The following RALYL variants were observed in gnomAD, a reference collection of about 807,000 sequenced individuals.
The protein encoded by RALYL is RNA-binding Raly-like protein.
In RALYL, 29 loss-of-function variants were observed where a neutral mutation model predicts 35.1. The observed-to-expected ratio is 0.83, with a 90% CI of 0.61 to 1.13. The LOEUF (loss-of-function observed/expected upper bound fraction) is 1.13, where lower values mean the gene tolerates loss of function less well. Among genes scored for constraint, RALYL ranks in the 50% most tolerant of loss-of-function variants. The pLI is 0.00. For missense variants in RALYL, 359 were observed against 360.4 expected, an observed-to-expected ratio of 1.00 and a Z score of 0.03; for synonymous variants, 120 against 127.6, an observed-to-expected ratio of 0.94 and a Z score of 0.40.
intron 3 of RALYL, among the ~76,000 whole-genome samples, chr8:84,801,442 TA>T (rs1188413086): frequency 1.9e-4 from 29 of 152,352 alleles, no homozygotes; most frequent in African/African-American, 7.0e-4. Flanking sequence ...TTACCAGTCT[TA>T]ATGAGACTCT....
At chr8:84,418,025 T>G (rs1263549306) in intron 1 of RALYL, among the ~76,000 whole-genome samples, 1 of 152,204 alleles carries the variant, frequency 6.6e-6, no homozygotes, top group Non-Finnish European at 1.5e-5. Context: ...AAAGAAAATG[T>G]GGAAATACAA....
intron 1 of RALYL, among the ~76,000 whole-genome samples, chr8:84,334,905 T>C (rs551376777): frequency 1.6e-3 from 247 of 152,306 alleles, no homozygotes; most frequent in African/African-American, 5.7e-3. Flanking sequence ...TGTCCTCTTA[T>C]CCATCTCAAG....
intron 1 of RALYL, among the ~76,000 whole-genome samples, chr8:84,365,461 CTATT>C (rs1854034455): frequency 6.6e-6 from 1 of 152,096 alleles, no homozygotes; most frequent in Non-Finnish European, 1.5e-5. Context: ...AATCTATAAA[CTATT>C]TATAAAAGAA....
chr8:84,627,427 T>G (rs1822975606), intron 2 of RALYL, among the ~76,000 whole-genome samples: 1 of 146,580 alleles, frequency 6.8e-6, no homozygotes, highest in Admixed American at 7.0e-5. Context: ...TAGTGTGCCT[T>G]TCACTGCTCT....
rs1228022780 is a variant in RALYL at position 84,422,145 on chromosome 8, C to G, written c.-23-107154C>G. The stretch of plus-strand genomic sequence containing the variant: ...ATGGTACCAGTTCCTCCTTGTACCT[C>G]TGGTAGAATTCGGCTGTGAATCTAT... On this transcript the variant is annotated intron_variant, in intron 1 of 8. Transcript: ENST00000521268. Among the ~76,000 whole-genome samples, 3 of 143,390 alleles carry G rather than the reference C, an allele frequency of 2.1e-5. No individual in the cohort carries two copies. The East Asian group carries it at 6.2e-4, about 30-fold the overall frequency. The allele number at this position is 143,390 out of a possible 152,430, so 94.1% of individuals were successfully genotyped here.
In RALYL at chr8:84,814,627, G is replaced by GA. The variant is rs201101645; in HGVS notation, c.365+9834dup. On this transcript the variant is annotated intron_variant, in intron 4 of 8. Transcript: ENST00000521268. ...TAGACCCAATCTGAATATTGCAGTG[G>GA]AAAAAAAAACTGTCAAAGAAAGTTA... Among the ~76,000 whole-genome samples, 20 of 150,498 alleles carry GA rather than the reference G, an allele frequency of 1.3e-4. No homozygotes were observed. The East Asian group carries it at 1.6e-3, about 12-fold the overall frequency.
intron 2 of RALYL, among the ~76,000 whole-genome samples, chr8:84,634,889 T>C (rs1824706882): frequency 6.6e-6 from 1 of 151,796 alleles, no homozygotes; most frequent in African/African-American, 2.4e-5. Context: ...TTCCTTTAGG[T>C]TGATTCCACG....
intron 6 of RALYL, among the ~76,000 whole-genome samples, chr8:84,862,964 A>T (rs2135072168): frequency 6.6e-6 from 1 of 152,354 alleles, no homozygotes; most frequent in Admixed American, 6.5e-5. Context: ...TGTCATAAAA[A>T]GTAAAATAAT....
intron 2 of RALYL, among the ~76,000 whole-genome samples, chr8:84,661,849 C>G (rs1197088556): frequency 5.9e-5 from 9 of 151,642 alleles, no homozygotes; most frequent in Non-Finnish European, 1.5e-5. Context: ...GATAAAGTGG[C>G]CTGGCAGTGT....
chr8:84,892,337 T>C (rs183095058), intron 8 of RALYL, among the ~76,000 whole-genome samples: 3 of 152,158 alleles, frequency 2.0e-5, no homozygotes, highest in Non-Finnish European at 4.4e-5. Flanking sequence ...TGGCTGGGCA[T>C]GGTGGCTCAC....
In RALYL at chr8:84,719,172, C is replaced by T. The variant is rs556338955; in HGVS notation, c.257-55407C>T. 4.6e-5 allele frequency among the ~76,000 whole-genome samples: 7 copies of T among 152,244 alleles called. No individual in the cohort carries two copies. The South Asian group carries it at 1.5e-3, about 32-fold the overall frequency. On this transcript the variant is annotated intron_variant, in intron 2 of 8. Transcript: ENST00000521268. ...TTATCTAGTCATTTGGCTATAACCC[C>T]CAAAGACAGAGATCAGGTCACTATT...
At chr8:84,769,429 A>G (rs1814887587) in intron 2 of RALYL, among the ~76,000 whole-genome samples, 1 of 152,164 alleles carries the variant, frequency 6.6e-6, no homozygotes, top group African/African-American at 2.4e-5. Flanking sequence ...TAAATATACC[A>G]GCTCACAATC....
intron 2 of RALYL, among the ~76,000 whole-genome samples, chr8:84,577,919 A>G (rs1187803253): frequency 2.0e-5 from 3 of 152,230 alleles, no homozygotes; most frequent in Non-Finnish European, 4.4e-5. Flanking sequence ...TAAAGTATCT[A>G]ATGTGACACT....
At chr8:84,740,568 G>T (rs900710126) in intron 2 of RALYL, among the ~76,000 whole-genome samples, 5 of 152,000 alleles carry the variant, frequency 3.3e-5, no homozygotes, top group African/African-American at 1.2e-4. Context: ...TTTTAAGTGT[G>T]CAATACAGTA....
intron 2 of RALYL, among the ~76,000 whole-genome samples, chr8:84,655,517 C>T (rs572205432): frequency 3.3e-5 from 5 of 152,030 alleles, no homozygotes; most frequent in African/African-American, 7.2e-5. Flanking sequence ...TTAGTAGAGA[C>T]GGGGTTTTGC....
At chr8:84,790,838 G>A (rs989972839) in intron 3 of RALYL, among the ~76,000 whole-genome samples, 6 of 152,172 alleles carry the variant, frequency 3.9e-5, no homozygotes, top group East Asian at 1.9e-4. Context: ...TGCCTTATTT[G>A]AACATGGTTT....
In RALYL at chr8:84,425,990, G is replaced by A. The variant is rs542203265; in HGVS notation, c.-23-103309G>A. The stretch of plus-strand genomic sequence containing the variant: ...AAATAGAGAAGAATTGAGGATAACC[G>A]TTTATCCATTTATATAATGTGTAGC... On this transcript the variant is annotated intron_variant, in intron 1 of 8. Coordinates refer to ENST00000521268, the MANE Select transcript of RALYL (RefSeq NM_173848.7). Among the ~76,000 whole-genome samples, 12 of 151,988 alleles carry A rather than the reference G, an allele frequency of 7.9e-5. No individual in the cohort carries two copies. In the South Asian group the frequency reaches 1.0e-3, roughly 13 times the overall value.
chr8:84,440,821 CATA>C, intron 1 of RALYL, among the ~76,000 whole-genome samples: 1 of 43,504 alleles, frequency 2.3e-5, no homozygotes, highest in African/African-American at 9.6e-5. Context: ...CATTAAGCTA[CATA>C]ATAGCTACAT....
chr8:84,712,235 C>G (rs1463666710), intron 2 of RALYL, among the ~76,000 whole-genome samples: 1 of 152,096 alleles, frequency 6.6e-6, no homozygotes, highest in Non-Finnish European at 1.5e-5. Context: ...ATCACATGTG[C>G]ATGGATAGAA....
Sources: gnomAD v4.1 joint callset for allele counts (sites outside exome capture counted in the v4.1 genomes callset) on GRCh38, gnomAD v4.1.1 for gene constraint, MANE v1.5 for transcripts, NCBI Gene and HGNC (gene_info 2026-07-23, HGNC 2026-07-21) for gene names.